Variants in PGM1 observed in about 807,000 individuals in gnomAD.
PGM1 encodes the protein phosphoglucomutase 1.
In PGM1, 52 loss-of-function variants were observed where a neutral mutation model predicts 55.6. The ratio of observed to expected loss-of-function variants is 0.94; its 90% CI spans 0.75 to 1.18. PGM1 has a LOEUF of 1.18. PGM1 is among the 50% of genes most tolerant of loss of function. The pLI is 0.00. For synonymous variants in PGM1, 287 were observed against 271.7 expected, an observed-to-expected ratio of 1.06 and a Z score of -0.55; for missense variants, 724 against 729.3, an observed-to-expected ratio of 0.99 and a Z score of 0.08.
chr1:63,641,807 C>T (rs1649525593), intron 7 of PGM1, among the ~76,000 whole-genome samples: 2 of 152,182 alleles, frequency 1.3e-5, no homozygotes, highest in Non-Finnish European at 2.9e-5. Flanking sequence ...CATTGTGTCC[C>T]TCGAGCCTCC....
At chr1:63,606,710 T>C (rs567438570) in intron 1 of PGM1, among the ~76,000 whole-genome samples, 1 of 152,320 alleles carries the variant, frequency 6.6e-6, no homozygotes, top group African/African-American at 2.4e-5. Flanking sequence ...ACATTGGGGA[T>C]TTGACAAACC....
intron 1 of PGM1, among the ~76,000 whole-genome samples, chr1:63,610,472 A>G (rs1333305655): frequency 6.6e-6 from 1 of 152,254 alleles, no homozygotes; most frequent in African/African-American, 2.4e-5. Flanking sequence ...AAGTATATAT[A>G]ATCTTTGGTG....
chr1:63,656,722 C>T (rs58363210), intron 10 of PGM1, among the ~76,000 whole-genome samples: 2,227 of 151,980 alleles, frequency 0.015, 49 homozygotes, highest in African/African-American at 0.051. Context: ...GTGAAATAAG[C>T]CAGACACAGA....
intron 1 of PGM1, among the ~76,000 whole-genome samples, chr1:63,601,423 A>G (rs192361055): frequency 5.3e-5 from 8 of 152,282 alleles, no homozygotes; most frequent in African/African-American, 1.9e-4. Context: ...CTTTCAGCAG[A>G]TTGATTTGAG....
chr1:63,613,347 T>A (rs904509697), intron 1 of PGM1, among the ~76,000 whole-genome samples: 3 of 147,168 alleles, frequency 2.0e-5, no homozygotes, highest in African/African-American at 5.2e-5. Flanking sequence ...AAACAATGGA[T>A]ATTTATTCTC....
chr1:63,610,348 C>A (rs553095460), intron 1 of PGM1, among the ~76,000 whole-genome samples: 1 of 152,080 alleles, frequency 6.6e-6, no homozygotes, highest in Non-Finnish European at 1.5e-5. Context: ...CTCTCAAAGT[C>A]CAAAATTCAG....
intron 1 of PGM1, among the ~76,000 whole-genome samples, chr1:63,595,508 G>A (rs1418540599): frequency 6.6e-6 from 1 of 152,220 alleles, no homozygotes; most frequent in Non-Finnish European, 1.5e-5. Context: ...ATCAGTGAGA[G>A]AAGATTGCCT....
At chr1:63,656,955 A>G (rs575444411) in intron 10 of PGM1, among the ~76,000 whole-genome samples, 1 of 152,296 alleles carries the variant, frequency 6.6e-6, no homozygotes, top group Admixed American at 6.5e-5. Context: ...TACTAGGAGA[A>G]TAGATCTTAA....
chr1:63,631,766 T>C lies in PGM1; in HGVS notation c.666T>C (p.Ile222=), dbSNP rs760641470. The C allele has an allele frequency of 2.5e-6, 4 of 1,613,734 alleles. No homozygotes were observed. The highest frequency in any genetic ancestry group is 3.4e-6 in the Non-Finnish European group (4 of 1,179,786). ...LSGPNRLKIR[I]DAMHGVVGPY... ...GGCCAAACCGACTGAAGATCCGTAT[T>C]GATGCTATGCATGGAGGTATACAAT... Residue 222 remains isoleucine, a synonymous_variant, in exon 4 of 11, where the codon ATT becomes ATC. Transcript: ENST00000371084.
chr1:63,639,768 A>T (rs777760242), intron 7 of PGM1, among the ~76,000 whole-genome samples: 20 of 152,176 alleles, frequency 1.3e-4, no homozygotes, highest in Admixed American at 5.2e-4. Flanking sequence ...TGCCAGGTTA[A>T]ACAGAACAGA....
At chr1:63,639,022 A>G (rs753782616) in intron 7 of PGM1, among the ~76,000 whole-genome samples, 2 of 152,182 alleles carry the variant, frequency 1.3e-5, no homozygotes, top group Non-Finnish European at 2.9e-5. Context: ...ATATCGACTC[A>G]GACAGGAAGT....
chr1:63,635,149 C>G, intron 5 of PGM1, 130 bp downstream of exon 5: 1 of 766,762 alleles, frequency 1.3e-6, no homozygotes, highest in Non-Finnish European at 2.3e-6. Context: ...GACCCGAGGT[C>G]AGAACTAAAT....
Position 63,642,476 on chromosome 1 carries a change from G to A in PGM1, c.1144+3676G>A, listed in dbSNP as rs536749625. ...ACAAAGCTGTTTTTTCTTCCTAACC[G>A]TGGATGATTATGTACATGTTTATAC... On this transcript the variant is annotated intron_variant, in intron 7 of 10. Transcript: ENST00000371084. 4.6e-5 allele frequency among the ~76,000 whole-genome samples: 7 copies of A among 152,286 alleles called. No homozygotes were observed. In the South Asian group the frequency reaches 1.2e-3, roughly 27 times the overall value.
At chr1:63,625,367 G>A (rs1406518611) in intron 1 of PGM1, among the ~76,000 whole-genome samples, 1 of 152,184 alleles carries the variant, frequency 6.6e-6, no homozygotes, top group Non-Finnish European at 1.5e-5. Flanking sequence ...TTAGAGGTGA[G>A]AGCCACCTTA....
intron 1 of PGM1, chr1:63,623,818 A>G: frequency 1.6e-6 from 2 of 1,214,320 alleles, no homozygotes; most frequent in Non-Finnish European, 2.3e-6. Flanking sequence ...TTAATTTTAC[A>G]GAAGTATACA....
chr1:63,620,631 G>C (rs1193748071), intron 1 of PGM1, among the ~76,000 whole-genome samples: 10 of 152,152 alleles, frequency 6.6e-5, no homozygotes. Context: ...TAAAGGATTG[G>C]TAAGTCTACG....
At chr1:63,616,608 A>G (rs927019) in intron 1 of PGM1, among the ~76,000 whole-genome samples, 25,467 of 152,216 alleles carry the variant, frequency 0.17, 2,304 homozygotes, top group East Asian at 0.32. Context: ...AATACAACAC[A>G]TCGGTCTATA....
rs559083499 is a variant in PGM1, at chr1:63,636,427, C to T, written c.1028+39C>T. The T allele has an allele frequency of 7.7e-5, 123 of 1,604,638 alleles. 2 individuals carry two copies. In the South Asian group the frequency reaches 1.2e-3, roughly 16 times the overall value. Reference sequence around the variant, plus strand: ...TTCCCTTGGCCTTCCTGTCTTAGGTCGTCCCAGTCTTCACCATACCCTTCA... The same window carrying T: ...TTCCCTTGGCCTTCCTGTCTTAGGTTGTCCCAGTCTTCACCATACCCTTCA... On this transcript the variant is annotated intron_variant, in intron 6 of 10. Coordinates refer to ENST00000371084, the MANE Select transcript of PGM1 (RefSeq NM_002633.3).
chr1:63,613,742 C>T (rs531663307), intron 1 of PGM1, among the ~76,000 whole-genome samples: 39 of 140,964 alleles, frequency 2.8e-4, no homozygotes, highest in African/African-American at 9.7e-4. Context: ...GGGAGTAGTG[C>T]ACCATTCAAC....
Sources: allele counts gnomAD v4.1 joint callset (sites outside exome capture counted in the v4.1 genomes callset), GRCh38; gene constraint gnomAD v4.1.1; transcripts MANE v1.5; gene names NCBI Gene and HGNC (gene_info 2026-07-23, HGNC 2026-07-21).